SLC24A4: variants seen among roughly 807,000 people sequenced by gnomAD.
SLC24A4 encodes solute carrier family 24 member 4, also known as sodium/potassium/calcium exchanger 4.
A neutral mutation model predicts 79.0 loss-of-function variants in SLC24A4; 53 were observed. The ratio of observed to expected loss-of-function variants is 0.67; its 90% confidence interval spans 0.54 to 0.84. The LOEUF (loss-of-function observed/expected upper bound fraction) is 0.84. Among genes scored for constraint, SLC24A4 ranks in the 40% least tolerant of loss-of-function variants. The probability of loss-of-function intolerance (pLI) is 0.00; values close to 1 mark genes in which losing one functional copy is unlikely to be tolerated. For synonymous variants in SLC24A4, 323 were observed against 323.8 expected, an observed-to-expected ratio of 1.00 and a Z score of 0.03; for missense variants, 731 against 822.0, an observed-to-expected ratio of 0.89 and a Z score of 1.35.
At chr14:92,334,495 A>G (rs1377575350) in intron 2 of SLC24A4, among the ~76,000 whole-genome samples, 1 of 152,198 alleles carries the variant, frequency 6.6e-6, no homozygotes, top group Non-Finnish European at 1.5e-5. Flanking sequence ...GCGTTCTAGT[A>G]TCAGTTGTGC....
intron 12 of SLC24A4, among the ~76,000 whole-genome samples, chr14:92,473,369 C>T (rs1020698703): frequency 2.6e-5 from 4 of 152,188 alleles, no homozygotes; most frequent in African/African-American, 9.7e-5. Flanking sequence ...GATGAGGAGG[C>T]CAAGGCCCAG....
chr14:92,332,733 A>C (rs1885548712), intron 2 of SLC24A4, among the ~76,000 whole-genome samples: 1 of 152,240 alleles, frequency 6.6e-6, no homozygotes, highest in African/African-American at 2.4e-5. Context: ...GGCCTAGAAT[A>C]CATGCTCAGA....
At chr14:92,335,326 C>T (rs375514668) in intron 2 of SLC24A4, among the ~76,000 whole-genome samples, 3 of 150,830 alleles carry the variant, frequency 2.0e-5, no homozygotes, top group African/African-American at 7.4e-5. Context: ...TTGTGTGACA[C>T]ATGCCATGTT....
At chr14:92,481,185 C>T (rs1339986149) in intron 12 of SLC24A4, among the ~76,000 whole-genome samples, 1 of 152,220 alleles carries the variant, frequency 6.6e-6, no homozygotes, top group Non-Finnish European at 1.5e-5. Context: ...TCGAGTCTTT[C>T]CTGAGCATGT....
At chr14:92,400,388 G>A (rs113622456) in intron 2 of SLC24A4, among the ~76,000 whole-genome samples, 4 of 145,090 alleles carry the variant, frequency 2.8e-5, no homozygotes, top group African/African-American at 1.0e-4. Context: ...GCAGTGAGCC[G>A]AGATCGTGCC....
At position 92,403,418 on chromosome 14, in the gene SLC24A4, T is replaced by C. The variant is rs1295587335; in HGVS notation, c.242-30494T>C. Among the ~76,000 whole-genome samples the C allele has an allele frequency of 9.9e-5, 15 of 151,628 alleles. No individual in the cohort carries two copies. The East Asian group carries it at 1.4e-3, about 14-fold the overall frequency. ...GTCAGAAGATTGAGACCATCCTGGCTAACATGGTGAAACCCCGTCTCTACT... is the reference window on the plus strand; with the variant it reads ...GTCAGAAGATTGAGACCATCCTGGCCAACATGGTGAAACCCCGTCTCTACT... On this transcript the variant is annotated intron_variant, in intron 2 of 16. Transcript: ENST00000532405.
chr14:92,454,122 T>C (rs1160848330), intron 11 of SLC24A4, 53 bp downstream of exon 11: 3 of 1,567,546 alleles, frequency 1.9e-6, no homozygotes, highest in Non-Finnish European at 8.7e-7. Context: ...GCAGGAGGCC[T>C]TGGCTTGTTA....
chr14:92,465,194 T>A (rs1248518886), intron 12 of SLC24A4, among the ~76,000 whole-genome samples: 1 of 152,228 alleles, frequency 6.6e-6, no homozygotes, highest in Non-Finnish European at 1.5e-5. Flanking sequence ...TGGTGCTTTT[T>A]GCATTTCTTT....
chr14:92,350,608 G>C (rs557169844), intron 2 of SLC24A4, among the ~76,000 whole-genome samples: 5 of 152,086 alleles, frequency 3.3e-5, no homozygotes, highest in African/African-American at 1.2e-4. Context: ...CATCTCAAAC[G>C]CCATTGATTT....
chr14:92,425,247 A>G (rs1891503751), intron 2 of SLC24A4, among the ~76,000 whole-genome samples: 1 of 152,236 alleles, frequency 6.6e-6, no homozygotes, highest in Non-Finnish European at 1.5e-5. Flanking sequence ...GGGAGAAAGT[A>G]AATTTCCATT....
intron 2 of SLC24A4, among the ~76,000 whole-genome samples, chr14:92,327,638 C>G (rs972383000): frequency 2.0e-5 from 3 of 152,212 alleles, no homozygotes; most frequent in Admixed American, 6.5e-5. Context: ...GCTGGCCATG[C>G]CCTCCTCTGT....
intron 13 of SLC24A4, chr14:92,484,962 C>A: frequency 1.2e-6 from 1 of 856,560 alleles, no homozygotes; most frequent in Non-Finnish European, 1.4e-6. Context: ...GTACATTATA[C>A]CCAATTTCAA....
chr14:92,362,881 T>C (rs377273424), intron 2 of SLC24A4, among the ~76,000 whole-genome samples: 1 of 152,202 alleles, frequency 6.6e-6, no homozygotes, highest in Non-Finnish European at 1.5e-5. Flanking sequence ...CTCTTCAAAC[T>C]CAGTCAGCCA....
intron 6 of SLC24A4, 144 bp downstream of exon 6, chr14:92,442,960 G>T: frequency 1.5e-6 from 1 of 668,816 alleles, no homozygotes; most frequent in Non-Finnish European, 2.6e-6. Context: ...CCTGGTTTTG[G>T]CCTCTCCAAC....
At chr14:92,351,930 A>AAAGGG (rs1886914351) in intron 2 of SLC24A4, among the ~76,000 whole-genome samples, 2 of 151,480 alleles carry the variant, frequency 1.3e-5, no homozygotes, top group Non-Finnish European at 3.0e-5. Flanking sequence ...AAAGGAAAGG[A>AAAGGG]AAGGAAAGGA....
chr14:92,374,314 A>G (rs1291505099), intron 2 of SLC24A4, among the ~76,000 whole-genome samples: 2 of 152,274 alleles, frequency 1.3e-5, no homozygotes, highest in African/African-American at 4.8e-5. Context: ...ACCAAGGCTC[A>G]GACCAAGAAG....
At chr14:92,480,057 CT>C (rs1419886791) in intron 12 of SLC24A4, among the ~76,000 whole-genome samples, 1 of 151,350 alleles carries the variant, frequency 6.6e-6, no homozygotes, top group Admixed American at 6.6e-5. Flanking sequence ...AATCTTCTCT[CT>C]TTTTTTCTTG....
chr14:92,410,815 A>G (rs759103623), intron 2 of SLC24A4, among the ~76,000 whole-genome samples: 6 of 152,190 alleles, frequency 3.9e-5, no homozygotes, highest in Non-Finnish European at 5.9e-5. Flanking sequence ...CGGTCTCTGG[A>G]TGAAGGTGTG....
intron 9 of SLC24A4, 139 bp downstream of exon 9, chr14:92,447,563 G>C (rs945175324): frequency 6.2e-6 from 5 of 802,298 alleles, no homozygotes; most frequent in Non-Finnish European, 1.0e-5. Flanking sequence ...TAGACACCCT[G>C]CTGGGGGACA....
Sources: allele counts gnomAD v4.1 joint callset (sites outside exome capture counted in the v4.1 genomes callset), GRCh38; gene constraint gnomAD v4.1.1; transcripts MANE v1.5; gene names NCBI Gene and HGNC (gene_info 2026-07-23, HGNC 2026-07-21).